Variants in SEMA4D observed in about 807,000 individuals in gnomAD.
SEMA4D encodes the protein semaphorin-4D.
Under a neutral mutation model 74.8 loss-of-function variants are expected in SEMA4D, and 22 were observed. The observed-to-expected ratio is 0.29, with a 90% CI of 0.21 to 0.42. The LOEUF (loss-of-function observed/expected upper bound fraction) is 0.42. Ranked by LOEUF, SEMA4D falls within the 10% of genes least tolerant of loss-of-function variation. The pLI, the probability that SEMA4D is intolerant of heterozygous loss-of-function variation, is 1.00. For missense variants in SEMA4D, 937 were observed against 1,118.4 expected, an observed-to-expected ratio of 0.84 and a Z score of 2.31; for synonymous variants, 445 against 463.7, an observed-to-expected ratio of 0.96 and a Z score of 0.52.
chr9:89,363,515 T>A, exon 18 of SEMA4D: 1 of 1,614,098 alleles, frequency 6.2e-7, no homozygotes, highest in Non-Finnish European at 8.5e-7. Flanking sequence ...CCACCTCTCC[T>A]GGTGGGTCAC....
At chr9:89,420,243 C>T (rs975394133) in intron 2 of SEMA4D, among the ~76,000 whole-genome samples, 19 of 152,150 alleles carry the variant, frequency 1.2e-4, no homozygotes, top group African/African-American at 2.2e-4. Flanking sequence ...GCCCCAACCC[C>T]GCGTTGCCTT....
At chr9:89,372,872 C>T (rs1356827902), downstream of SEMA4D, among the ~76,000 whole-genome samples, 1 of 152,058 alleles carries the variant, frequency 6.6e-6, no homozygotes, top group Non-Finnish European at 1.5e-5. Context: ...TCCCATCCTG[C>T]CCCAGGGACA....
At position 89,378,260 on chromosome 9, in the gene SEMA4D, T is replaced by C. The variant is rs1407768826; in HGVS notation, c.*444A>G. 5 of 157,582 alleles carry C rather than the reference T, an allele frequency of 3.2e-5. No individual in the cohort carries two copies. The highest frequency in any genetic ancestry group is 7.2e-5 in the African/African-American group (3 of 41,634). The allele number at this position is 157,582 out of a possible 1,614,324, so 9.8% of individuals were successfully genotyped here. A position where few individuals can be genotyped will look rare whatever the true frequency, so the allele number is the denominator to read the frequency against. Reference sequence around the variant, plus strand: ...AAGTGGAAGAAAAGGTTCGTGCCAATCTGGACAACAGGCGATAAGTTACCA... The same window carrying C: ...AAGTGGAAGAAAAGGTTCGTGCCAACCTGGACAACAGGCGATAAGTTACCA... On this transcript the variant is annotated 3_prime_UTR_variant, in exon 16 of 16. Coordinates refer to ENST00000422704, the MANE Select transcript of SEMA4D (RefSeq NM_001371194.2).
intron 1 of SEMA4D, among the ~76,000 whole-genome samples, chr9:89,493,257 A>AT (rs763433691): frequency 3.3e-5 from 5 of 152,200 alleles, no homozygotes; most frequent in Admixed American, 6.5e-5. Context: ...GCTATACAGG[A>AT]TAAGTGTGAT....
intron 2 of SEMA4D, among the ~76,000 whole-genome samples, chr9:89,423,505 T>C (rs1445815499): frequency 6.6e-6 from 1 of 152,174 alleles, no homozygotes. Context: ...AAACATTTTT[T>C]ATGCTTCTTT....
chr9:89,385,802 G>A (rs1237102678), intron 13 of SEMA4D: 11 of 651,150 alleles, frequency 1.7e-5, no homozygotes, highest in Non-Finnish European at 2.1e-5. Context: ...GATCCCACAA[G>A]GTGGTTGGAG....
chr9:89,486,301 G>C (rs1010272784), intron 1 of SEMA4D, among the ~76,000 whole-genome samples: 2 of 152,164 alleles, frequency 1.3e-5, no homozygotes, highest in African/African-American at 4.8e-5. Context: ...TGGAAAACAG[G>C]TCAGTGGTTG....
chr9:89,482,157 C>G (rs1824766682), intron 1 of SEMA4D, among the ~76,000 whole-genome samples: 1 of 152,180 alleles, frequency 6.6e-6, no homozygotes, highest in Non-Finnish European at 1.5e-5. Context: ...CAGCTCACAG[C>G]GGTCAGAGCA....
intron 9 of SEMA4D, 73 bp from the exon 10 acceptor site, chr9:89,389,120 C>T: frequency 1.3e-6 from 2 of 1,516,864 alleles, no homozygotes; most frequent in Non-Finnish European, 1.8e-6. Context: ...GTCAGAGGTG[C>T]ACCCCTCCAT....
At position 89,393,623 on chromosome 9, in the gene SEMA4D, A is replaced by G. The variant is rs1314605529; in HGVS notation, c.447T>C (p.Asn149=). 6.2e-7 allele frequency: 1 copy of G among 1,614,150 alleles called. No homozygotes were observed. The highest frequency in any genetic ancestry group is 8.5e-7 in the Non-Finnish European group (1 of 1,179,970). Residue 149 remains asparagine (N), a synonymous_variant, in exon 7 of 16, where the codon AAT becomes AAC. Transcript: ENST00000422704. ...AGGGACATCTTCCTTTGCCATCTTCATTTTTCCCCAGAAACTTAAAGGATG... is the reference window on the plus strand; with the variant it reads ...AGGGACATCTTCCTTTGCCATCTTCGTTTTTCCCCAGAAACTTAAAGGATG... The part of the protein sequence containing the change: ...NLTSFKFLGK[N]EDGKGRCPFD...
intron 1 of SEMA4D, among the ~76,000 whole-genome samples, chr9:89,471,574 G>A (rs1024116297): frequency 6.8e-6 from 1 of 146,280 alleles, no homozygotes. Context: ...ACTGGCTCAG[G>A]TGCATGCCGG....
Position 89,379,448 on chromosome 9 carries a change from T to C in SEMA4D, c.1845A>G (p.Ser615=), listed in dbSNP as rs146612816. The C allele has an allele frequency of 9.9e-6, 16 of 1,614,062 alleles. No individual in the cohort carries two copies. Among genetic ancestry groups the C allele is most frequent in the Admixed American group, 5.0e-5 (3 of 60,008 alleles). Residue 615 remains serine, a synonymous_variant, in exon 16 of 16, where the codon TCA becomes TCG. Transcript: ENST00000422704. ...ACTGGTACACCCCACTGTCTCCTTC[T>C]GACAAGTTGAAGATGAGCAAGTTTT... ...GRKNLLIFNL[S]EGDSGVYQCL... is the part of the protein sequence containing the mutation.
intron 1 of SEMA4D, among the ~76,000 whole-genome samples, chr9:89,495,144 C>G (rs762539873): frequency 1.3e-5 from 2 of 152,128 alleles, no homozygotes; most frequent in African/African-American, 4.8e-5. Flanking sequence ...GCCTGCCCCC[C>G]ACTGAGGTTT....
In SEMA4D at chr9:89,362,076, C is replaced by T. The variant is rs535576136; in HGVS notation, c.*326G>A. The T allele has an allele frequency of 1.1e-4, 57 of 519,864 alleles. No homozygotes were observed. In the South Asian group the frequency reaches 1.2e-3, roughly 11 times the overall value. 32.2% of individuals were successfully genotyped at this position (519,864 alleles called of 1,614,324 possible). A position where few individuals can be genotyped will look rare whatever the true frequency, so the allele number is the denominator to read the frequency against. The stretch of plus-strand genomic sequence containing the variant: ...CCTGACCGTAGAGGAGGAACCTGCA[C>T]ACACCCTGCTGTTTTAGTTCACGAG... On this transcript the variant is annotated 3_prime_UTR_variant, in exon 19 of 19. Transcript: ENST00000339861.
At chr9:89,421,451 G>A (rs1454812978) in intron 2 of SEMA4D, among the ~76,000 whole-genome samples, 4 of 152,210 alleles carry the variant, frequency 2.6e-5, no homozygotes, top group Non-Finnish European at 5.9e-5. Flanking sequence ...CTGCCAAGAA[G>A]CTACATCCAG....
intron 6 of SEMA4D, among the ~76,000 whole-genome samples, chr9:89,396,505 C>T (rs1356311610): frequency 2.0e-5 from 3 of 152,246 alleles, no homozygotes; most frequent in Non-Finnish European, 4.4e-5. Flanking sequence ...CAGGCCTCAC[C>T]CTTGGCCATG....
Position 89,381,077 on chromosome 9 carries a change from G to A in SEMA4D, c.1641C>T (p.Ser547=), listed in dbSNP as rs373624145. Residue 547 remains serine, a synonymous_variant, in exon 15 of 16, where the codon AGC becomes AGT. Transcript: ENST00000422704. The surrounding 1 kb of genome is among the most constrained non-coding windows in gnomAD (Gnocchi z 4.6). ...SPSRGLIQEM[S]GDASVCPDKS... ...CACCCGGGCACACAGAAGCATCGCC[G>A]CTCATCTCCTGAATCAAACCCCTGC... 39 of 1,613,954 alleles carry A rather than the reference G, an allele frequency of 2.4e-5. No homozygotes were observed. The highest frequency in any genetic ancestry group is 8.9e-5 in the East Asian group (4 of 44,888).
At chr9:89,389,398 G>C (rs1287882382) in intron 9 of SEMA4D, among the ~76,000 whole-genome samples, 1 of 152,218 alleles carries the variant, frequency 6.6e-6, no homozygotes, top group East Asian at 1.9e-4. Flanking sequence ...CAAGGCCCCT[G>C]GCATTGTGTG....
At chr9:89,454,794 G>A (rs78915527) in intron 2 of SEMA4D, among the ~76,000 whole-genome samples, 5,969 of 152,294 alleles carry the variant, frequency 0.039, 181 homozygotes, top group South Asian at 0.13. Flanking sequence ...CCACCCTCGG[G>A]GTGGCGAAGA....
Sources: allele counts gnomAD v4.1 joint callset (sites outside exome capture counted in the v4.1 genomes callset), GRCh38; gene constraint gnomAD v4.1.1; non-coding constraint Gnocchi (gnomAD v3.1); transcripts MANE v1.5; gene names NCBI Gene and HGNC (gene_info 2026-07-23, HGNC 2026-07-21).